The following HINT3 variants were observed in gnomAD, a reference collection of about 807,000 sequenced individuals.
HINT3 encodes adenosine 5'-monophosphoramidase HINT3.
In HINT3, 16 loss-of-function variants were observed where a neutral mutation model predicts 19.1. That is an observed-to-expected ratio of 0.84 (90% CI 0.57 to 1.27). The LOEUF (loss-of-function observed/expected upper bound fraction) is 1.27. Ranked by LOEUF, HINT3 falls within the 50% of genes most tolerant of loss-of-function variation. HINT3 has a pLI of 0.00. For missense variants in HINT3, 197 were observed against 225.8 expected, an observed-to-expected ratio of 0.87 and a Z score of 0.82; for synonymous variants, 75 against 84.8, an observed-to-expected ratio of 0.88 and a Z score of 0.63.
chr6:125,962,233 T>TACACATATATATATATATATATATAC lies in HINT3; in HGVS notation c.202-4637_202-4636insTATATATACACACATATATATATATA, dbSNP rs1562212176. ...ATACACATATATATATATATATATA[T>TACACATATATATATATATATATATAC]ACACATATATATATATACACACATA... is the stretch of plus-strand genomic sequence containing the variant. On this transcript the variant is annotated intron_variant, in intron 1 of 4. Coordinates refer to ENST00000229633, the MANE Select transcript of HINT3 (RefSeq NM_138571.5). Among the ~76,000 whole-genome samples the TACACATATATATATATATATATATAC allele has an allele frequency of 7.6e-3, 156 of 20,438 alleles. 1 individual carries two copies. Among genetic ancestry groups the TACACATATATATATATATATATATAC allele is most frequent in the Non-Finnish European group, 9.8e-3 (133 of 13,582 alleles). The allele number at this position is 20,438 out of a possible 152,430, so 13.4% of individuals were successfully genotyped here.
chr6:125,976,713 T>A (rs1252052418), intron 4 of HINT3, among the ~76,000 whole-genome samples: 1 of 152,096 alleles, frequency 6.6e-6, no homozygotes, highest in Non-Finnish European at 1.5e-5. Context: ...GTTGTTGGTT[T>A]ATCCTGAGAA....
At chr6:125,974,748 T>C (rs1259600895) in intron 3 of HINT3, 99 bp from the exon 4 acceptor site, 2 of 1,131,588 alleles carry the variant, frequency 1.8e-6, no homozygotes, top group African/African-American at 3.1e-5. Flanking sequence ...TTACCTTAGG[T>C]ACTTATTTTG....
chr6:125,957,448 G>A (rs1348079576), intron 1 of HINT3, among the ~76,000 whole-genome samples: 1 of 152,184 alleles, frequency 6.6e-6, no homozygotes, highest in South Asian at 2.1e-4. Context: ...GTTCCCAGGG[G>A]CAAAGAGTGA....
intron 4 of HINT3, among the ~76,000 whole-genome samples, chr6:125,975,369 C>T (rs140159117): frequency 9.2e-5 from 14 of 152,120 alleles, no homozygotes; most frequent in African/African-American, 3.1e-4. Context: ...GTGCCTATAC[C>T]TAGGGTTGAT....
rs901357925 is a variant in HINT3, at chr6:125,964,660, G to A, written c.202-2227G>A. Among the ~76,000 whole-genome samples, 5 of 151,432 alleles carry A rather than the reference G, an allele frequency of 3.3e-5. No individual in the cohort carries two copies. The East Asian group carries it at 5.8e-4, about 18-fold the overall frequency. Reference sequence around the variant, plus strand: ...TTTGCCATAATTTATTAAACCAGTCGCCCAGCTGCATTATGAATGTTTGGT... The same window carrying A: ...TTTGCCATAATTTATTAAACCAGTCACCCAGCTGCATTATGAATGTTTGGT... On this transcript the variant is annotated intron_variant, in intron 1 of 4. Transcript: ENST00000229633.
rs1788845325 is a variant in HINT3 at position 125,957,069 on chromosome 6, C to T, written c.92C>T (p.Thr31Ile). Reference sequence around the variant, plus strand: ...GAAACTACGGTTTCCTCAGTGGGGACCTGTGAAGCCGCTGGCAAGTCACCA... The same window carrying T: ...GAAACTACGGTTTCCTCAGTGGGGATCTGTGAAGCCGCTGGCAAGTCACCA... ...TAETTVSSVG[T>I]CEAAGKSPEP... is the part of the protein sequence containing the mutation. Residue 31 changes from threonine to isoleucine, a missense_variant, in exon 1 of 5, where the codon ACC (threonine) becomes ATC (isoleucine). Thr to Ile is a moderately conservative substitution (Grantham distance 89). Coordinates refer to ENST00000229633, the MANE Select transcript of HINT3 (RefSeq NM_138571.5). 6.4e-7 allele frequency: 1 copy of T among 1,550,858 alleles called. No homozygotes were observed. The highest frequency in any genetic ancestry group is 8.7e-7 in the Non-Finnish European group (1 of 1,146,856).
chr6:125,960,113 C>T (rs6931225), intron 1 of HINT3, among the ~76,000 whole-genome samples: 12,247 of 152,156 alleles, frequency 0.08, 1,561 homozygotes, highest in African/African-American at 0.27. Context: ...TGGTTATTTA[C>T]AAGTAAAAGG....
chr6:125,964,748 AC>A (rs1437674345), intron 1 of HINT3, among the ~76,000 whole-genome samples: 1 of 50,320 alleles, frequency 2.0e-5, no homozygotes, highest in African/African-American at 5.2e-5. Context: ...ACACACACAC[AC>A]ACACACACAC....
intron 3 of HINT3, 51 bp downstream of exon 3, chr6:125,972,379 C>G (rs954934088): frequency 1.8e-6 from 2 of 1,098,228 alleles, no homozygotes; most frequent in African/African-American, 3.3e-5. Flanking sequence ...TGACGTTTTT[C>G]AAAATGTCAT....
chr6:125,977,674 T>C lies in HINT3; in HGVS notation c.547T>C (p.Ter183ArgextTer72). ...TCACTTGATTGAAAAACTAAGAACA[T>C]GAAAATGTCAAGAGTGGAAGATTTT... ...ADHLIEKLRT[*>R] Residue 183 changes from the stop codon to arginine, a stop_lost, in exon 5 of 5, where the codon TGA (stop) becomes CGA (arginine). Coordinates refer to ENST00000229633, the MANE Select transcript of HINT3 (RefSeq NM_138571.5). 3 of 1,517,598 alleles carry C rather than the reference T, an allele frequency of 2.0e-6. No homozygotes were observed. The highest frequency in any genetic ancestry group is 2.7e-6 in the Non-Finnish European group (3 of 1,117,726). 94.0% of individuals were successfully genotyped at this position (1,517,598 alleles called of 1,614,324 possible). A position where few individuals can be genotyped will look rare whatever the true frequency, so the allele number is the denominator to read the frequency against.
chr6:125,962,486 A>G (rs1788959439), intron 1 of HINT3, among the ~76,000 whole-genome samples: 1 of 151,878 alleles, frequency 6.6e-6, no homozygotes, highest in Admixed American at 6.6e-5. Flanking sequence ...TTTAAAAAGA[A>G]TAACTACATA....
intron 1 of HINT3, among the ~76,000 whole-genome samples, chr6:125,964,229 A>T (rs1788984910): frequency 6.6e-6 from 1 of 152,152 alleles, no homozygotes; most frequent in Non-Finnish European, 1.5e-5. Context: ...TACCAACATG[A>T]CATCCAGTTA....
chr6:125,970,743 C>G (rs1439126411), intron 2 of HINT3, among the ~76,000 whole-genome samples: 2 of 152,202 alleles, frequency 1.3e-5, no homozygotes, highest in South Asian at 2.1e-4. Context: ...CATATGTTCA[C>G]CAAAGTTGAC....
chr6:125,975,149 A>G (rs914721199), intron 4 of HINT3, among the ~76,000 whole-genome samples, 176 bp downstream of exon 4: 3 of 152,216 alleles, frequency 2.0e-5, no homozygotes, highest in Non-Finnish European at 4.4e-5. Flanking sequence ...TTTGAAGATC[A>G]TCAGTCTGTA....
chr6:125,959,288 G>A (rs1253565200), intron 1 of HINT3, among the ~76,000 whole-genome samples: 1 of 152,140 alleles, frequency 6.6e-6, no homozygotes, highest in Non-Finnish European at 1.5e-5. Flanking sequence ...GAACTCTGAA[G>A]AACACTAACA....
chr6:125,972,598 A>G (rs1789117161), intron 3 of HINT3, among the ~76,000 whole-genome samples: 1 of 152,190 alleles, frequency 6.6e-6, no homozygotes, highest in African/African-American at 2.4e-5. Context: ...CTTTTTAAAA[A>G]AAAATTTTTG....
chr6:125,979,588 C>T lies in HINT3; in HGVS notation c.*1912C>T, dbSNP rs1034063866. On this transcript the variant is annotated 3_prime_UTR_variant, in exon 5 of 5. Coordinates refer to ENST00000229633, the MANE Select transcript of HINT3 (RefSeq NM_138571.5). ...CCAATATGGTGAAACCCCGTCTCTT[C>T]TAAAAAAATACAAAAATTAGCCGGG... The T allele has an allele frequency of 2.0e-5, 3 of 152,078 alleles. No homozygotes were observed. Among genetic ancestry groups the T allele is most frequent in the Non-Finnish European group, 2.9e-5 (2 of 68,046 alleles). The allele number at this position is 152,078 out of a possible 1,614,324, so 9.4% of individuals were successfully genotyped here.
chr6:125,974,821 A>C, intron 3 of HINT3, 26 bp from the exon 4 acceptor site: 1 of 1,599,164 alleles, frequency 6.3e-7, no homozygotes, highest in African/African-American at 1.3e-5. Context: ...CTGGTTTGTC[A>C]ATCATCTCTT....
intron 1 of HINT3, among the ~76,000 whole-genome samples, chr6:125,961,029 A>G (rs1166808228): frequency 6.6e-6 from 1 of 152,192 alleles, no homozygotes; most frequent in African/African-American, 2.4e-5. Flanking sequence ...TTGTCTGAAA[A>G]TAGTCATCAA....
Sources: gnomAD v4.1 joint callset for allele counts (sites outside exome capture counted in the v4.1 genomes callset) on GRCh38, gnomAD v4.1.1 for gene constraint, MANE v1.5 for transcripts, NCBI Gene and HGNC (gene_info 2026-07-23, HGNC 2026-07-21) for gene names.